AFG2A: variants seen among roughly 807,000 people sequenced by gnomAD.
AFG2A encodes the protein ATPase family gene 2 protein homolog A.
At chr4:123,211,575 T>A in the AFG2A span, among the ~76,000 whole-genome samples, 2 of 152,166 alleles carry the variant, frequency 1.3e-5, no homozygotes, top group Admixed American at 6.5e-5. Context: ...TGGCCACAGC[T>A]AAGAGTAAAT....
chr4:123,243,238 C>T, the AFG2A span, among the ~76,000 whole-genome samples: 2 of 152,282 alleles, frequency 1.3e-5, no homozygotes, highest in African/African-American at 4.8e-5. Context: ...CCAGCCATCC[C>T]ATTACTGGGT....
At chr4:123,319,356 A>C in the AFG2A span, 2 of 152,190 alleles carry the variant, frequency 1.3e-5, no homozygotes. Context: ...GTTTTCCTGA[A>C]TGCTTCCTTT....
chr4:123,318,371 G>A, the AFG2A span: 1 of 152,166 alleles, frequency 6.6e-6, no homozygotes, highest in Non-Finnish European at 1.5e-5. Flanking sequence ...TGGAAGTTAT[G>A]AATTTTTAAA....
At chr4:123,015,591 C>T in the AFG2A span, among the ~76,000 whole-genome samples, 1 of 151,446 alleles carries the variant, frequency 6.6e-6, no homozygotes, top group East Asian at 2.0e-4. Context: ...CCTCTTTCTA[C>T]ACAGACATGG....
the AFG2A span, among the ~76,000 whole-genome samples, chr4:123,094,092 C>T: frequency 6.6e-6 from 1 of 152,164 alleles, no homozygotes; most frequent in African/African-American, 2.4e-5. Flanking sequence ...TAATGTTTGA[C>T]AGCAGTGGAG....
the AFG2A span, among the ~76,000 whole-genome samples, chr4:123,057,940 A>G: frequency 1.3e-5 from 2 of 152,170 alleles, no homozygotes; most frequent in African/African-American, 4.8e-5. Flanking sequence ...TACTTTGTGC[A>G]TAGCTTCTTG....
the AFG2A span, among the ~76,000 whole-genome samples, chr4:123,084,956 A>T: frequency 3.5e-4 from 53 of 151,944 alleles, 1 homozygote; most frequent in Admixed American, 3.3e-3. Flanking sequence ...ATTTCTCTTG[A>T]AGTTTCTTTT....
At chr4:123,004,259 C>T in the AFG2A span, among the ~76,000 whole-genome samples, 4 of 152,222 alleles carry the variant, frequency 2.6e-5, no homozygotes, top group Admixed American at 6.5e-5. Flanking sequence ...CCTTGCGCTT[C>T]CCGAGTGAGG....
At chr4:123,205,073 C>G in the AFG2A span, among the ~76,000 whole-genome samples, 1 of 152,078 alleles carries the variant, frequency 6.6e-6, no homozygotes, top group African/African-American at 2.4e-5. Flanking sequence ...TAAGTCAGTG[C>G]CCATTGAGAT....
chr4:123,297,481 G>A, the AFG2A span, among the ~76,000 whole-genome samples: 1 of 152,142 alleles, frequency 6.6e-6, no homozygotes, highest in East Asian at 1.9e-4. Context: ...CAGCACTTTG[G>A]GAGGCCGAGG....
chr4:123,156,793 CCTGTT>C, the AFG2A span, among the ~76,000 whole-genome samples: 1 of 150,162 alleles, frequency 6.7e-6, no homozygotes, highest in Non-Finnish European at 1.5e-5. Context: ...AAAAGAAACT[CCTGTT>C]CTTAATGATC....
chr4:122,985,572 A>G, the AFG2A span, among the ~76,000 whole-genome samples: 1 of 152,154 alleles, frequency 6.6e-6, no homozygotes, highest in Admixed American at 6.5e-5. Flanking sequence ...ATGTGCATAC[A>G]GGTGTTCATA....
chr4:123,060,783 T>C, the AFG2A span, among the ~76,000 whole-genome samples: 6,204 of 152,298 alleles, frequency 0.041, 411 homozygotes, highest in African/African-American at 0.14. Flanking sequence ...AGCAAATTAC[T>C]GCAGCTGGCT....
At chr4:123,127,569 A>G in the AFG2A span, among the ~76,000 whole-genome samples, 1 of 152,138 alleles carries the variant, frequency 6.6e-6, no homozygotes, top group Non-Finnish European at 1.5e-5. Context: ...ATAAATTTAA[A>G]TAAAAGGAAT....
chr4:123,292,691 G>A, the AFG2A span, among the ~76,000 whole-genome samples: 2 of 152,156 alleles, frequency 1.3e-5, no homozygotes, highest in Non-Finnish European at 2.9e-5. Context: ...TGTAGTACCA[G>A]TGTGCTGGGT....
the AFG2A span, among the ~76,000 whole-genome samples, chr4:123,154,517 G>A: frequency 1.5e-3 from 227 of 152,266 alleles, no homozygotes; most frequent in African/African-American, 5.2e-3. Context: ...TGTATGATAA[G>A]TGTCCATAGT....
chr4:123,076,246 C>T, the AFG2A span, among the ~76,000 whole-genome samples: 8 of 151,782 alleles, frequency 5.3e-5, no homozygotes, highest in Admixed American at 2.6e-4. Flanking sequence ...CCAGTCTGGG[C>T]GACAGTGAGA....
chr4:123,096,066 G>A, the AFG2A span, among the ~76,000 whole-genome samples: 13,324 of 152,116 alleles, frequency 0.088, 786 homozygotes, highest in Middle Eastern at 0.2. Flanking sequence ...CAAGAACTGC[G>A]TTATTTTACT....
chr4:123,236,262 C>T, the AFG2A span, among the ~76,000 whole-genome samples: 1 of 152,306 alleles, frequency 6.6e-6, no homozygotes, highest in South Asian at 2.1e-4. Flanking sequence ...AGGGATGTAG[C>T]TACATATACA....
Sources: allele counts gnomAD v4.1 joint callset (sites outside exome capture counted in the v4.1 genomes callset), GRCh38; gene constraint gnomAD v4.1.1; transcripts MANE v1.5; gene names NCBI Gene and HGNC (gene_info 2026-07-23, HGNC 2026-07-21).